Variants in ATXN7 observed in about 807,000 individuals in gnomAD.
The protein encoded by ATXN7 is ataxin 7.
Under a neutral mutation model 70.5 loss-of-function variants are expected in ATXN7, and 12 were observed. That is an observed-to-expected ratio of 0.17 (90% CI 0.11 to 0.28). ATXN7 has a LOEUF of 0.28. Among genes scored for constraint, ATXN7 ranks in the 10% least tolerant of loss-of-function variants. The probability of loss-of-function intolerance (pLI) is 1.00; values close to 1 mark genes in which losing one functional copy is unlikely to be tolerated. For missense variants in ATXN7, 1,256 were observed against 1,131.7 expected, an observed-to-expected ratio of 1.11 and a Z score of -1.58; for synonymous variants, 498 against 448.7, an observed-to-expected ratio of 1.11 and a Z score of -1.39.
chr3:63,912,039 G>C (rs1250613634), intron 2 of ATXN7: 1 of 152,326 alleles, frequency 6.6e-6, no homozygotes, highest in Non-Finnish European at 1.5e-5. Flanking sequence ...GAGCTGAGAG[G>C]GAGGGACCGG....
intron 4 of ATXN7, among the ~76,000 whole-genome samples, chr3:63,924,874 T>A (rs1216289449): frequency 6.6e-6 from 1 of 152,044 alleles, no homozygotes; most frequent in Non-Finnish European, 1.5e-5. Flanking sequence ...TCTAAGGGAA[T>A]GATGAGGAGG....
chr3:63,939,001 A>AT (rs199874849), intron 4 of ATXN7, among the ~76,000 whole-genome samples: 15,945 of 147,980 alleles, frequency 0.11, 1,012 homozygotes, highest in Middle Eastern at 0.16. Context: ...AATTTTTTTA[A>AT]TTTTTTTTTT....
chr3:63,872,462 AT>A (rs1173377828), intron 1 of ATXN7, among the ~76,000 whole-genome samples: 1 of 152,004 alleles, frequency 6.6e-6, no homozygotes, highest in Non-Finnish European at 1.5e-5. Context: ...ACATAATCTC[AT>A]CTTCTAGCAG....
At chr3:63,952,287 A>G (rs951130959) in intron 4 of ATXN7, 92 bp from the exon 5 acceptor site, 16 of 838,278 alleles carry the variant, frequency 1.9e-5, no homozygotes, top group Non-Finnish European at 3.0e-5. Context: ...ATACTTTACA[A>G]TAAGGCAACT....
intron 5 of ATXN7, 115 bp downstream of exon 5, chr3:63,952,598 T>C (rs1371986493): frequency 1.3e-5 from 7 of 557,678 alleles, no homozygotes; most frequent in Admixed American, 3.9e-5. Context: ...CACCAGGAAG[T>C]AGGCTTTTTA....
intron 1 of ATXN7, among the ~76,000 whole-genome samples, chr3:63,895,671 C>A (rs1320816370): frequency 6.6e-6 from 1 of 152,082 alleles, no homozygotes; most frequent in East Asian, 1.9e-4. Context: ...AGCCCAAGAA[C>A]ACTCCCAGGC....
intron 2 of ATXN7, among the ~76,000 whole-genome samples, chr3:63,912,332 C>T (rs1375611667): frequency 1.3e-5 from 2 of 151,692 alleles, no homozygotes; most frequent in Non-Finnish European, 2.9e-5. Context: ...GCCGCGGTGG[C>T]GGGCCGCCTG....
intron 11 of ATXN7, 40 bp downstream of exon 11, chr3:63,990,899 A>G: frequency 5.0e-6 from 8 of 1,614,070 alleles, no homozygotes; most frequent in Non-Finnish European, 6.8e-6. Flanking sequence ...CTGACTTTAC[A>G]CAGTGCTGCA....
chr3:63,956,033 A>G (rs535269450), intron 5 of ATXN7, among the ~76,000 whole-genome samples: 7 of 152,208 alleles, frequency 4.6e-5, no homozygotes, highest in East Asian at 3.9e-4. Context: ...GGAGTTAACA[A>G]TTAACCAGGA....
At chr3:63,873,439 T>C (rs1702653961) in intron 1 of ATXN7, among the ~76,000 whole-genome samples, 1 of 152,130 alleles carries the variant, frequency 6.6e-6, no homozygotes, top group African/African-American at 2.4e-5. Flanking sequence ...AATCCCACTT[T>C]CTACTGAGAG....
At chr3:63,917,949 G>A (rs941933507) in intron 4 of ATXN7, among the ~76,000 whole-genome samples, 1 of 152,148 alleles carries the variant, frequency 6.6e-6, no homozygotes, top group Non-Finnish European at 1.5e-5. Flanking sequence ...AGCACTTTTC[G>A]TTGCTCTGTC....
chr3:63,988,099 G>A lies in ATXN7; in HGVS notation c.1136G>A (p.Arg379Lys). Residue 379 changes from arginine to lysine, a missense_variant, in exon 9 of 13, where the codon AGA (arginine) becomes AAA (lysine). Arg to Lys is a conservative substitution (Grantham distance 26, BLOSUM62 2). Coordinates refer to ENST00000674280, the MANE Select transcript of ATXN7 (RefSeq NM_001377405.1). ...LTQRRAVQGR[R>K]KRFDVLLAEH... ...CAGCGCAGGGCTGTCCAGGGTAGAAGAAAACGATTTGATGTGTTATTAGCC... is the reference window on the plus strand; with the variant it reads ...CAGCGCAGGGCTGTCCAGGGTAGAAAAAAACGATTTGATGTGTTATTAGCC... The A allele has an allele frequency of 6.2e-7, 1 of 1,614,124 alleles. No homozygotes were observed. The highest frequency in any genetic ancestry group is 1.1e-5 in the South Asian group (1 of 91,074).
Position 63,996,329 on chromosome 3 carries a change from A to G in ATXN7, c.2507A>G (p.Lys836Arg). Residue 836 changes from lysine to arginine, a missense_variant, in exon 12 of 13, where the codon AAA becomes AGA. Transcript: ENST00000674280. Reference protein sequence around the residue: ...HTPLDKLIGKKRKCSPSSSSI... With the variant: ...HTPLDKLIGKRRKCSPSSSSI... ...CCTCTAGACAAACTCATAGGAAAGA[A>G]AAGAAAGTGCTCACCCAGCTCGAGC... is the stretch of plus-strand genomic sequence containing the variant. The G allele has an allele frequency of 1.9e-6, 3 of 1,614,196 alleles. No individual in the cohort carries two copies. Among genetic ancestry groups the G allele is most frequent in the Non-Finnish European group, 2.5e-6 (3 of 1,180,040 alleles).
At chr3:63,921,007 T>C (rs1268887858) in intron 4 of ATXN7, among the ~76,000 whole-genome samples, 2 of 152,218 alleles carry the variant, frequency 1.3e-5, no homozygotes, top group Non-Finnish European at 2.9e-5. Context: ...GGAGTTACTG[T>C]ACTTTTGAGA....
At chr3:63,977,202 T>A (rs2075402356) in intron 5 of ATXN7, among the ~76,000 whole-genome samples, 1 of 152,188 alleles carries the variant, frequency 6.6e-6, no homozygotes, top group Non-Finnish European at 1.5e-5. Flanking sequence ...ACAAAAATCA[T>A]GAAAAAGCGA....
intron 8 of ATXN7, among the ~76,000 whole-genome samples, chr3:63,987,415 T>C (rs1334344678): frequency 6.6e-6 from 1 of 152,208 alleles, no homozygotes; most frequent in Non-Finnish European, 1.5e-5. Context: ...TGTCTATCTA[T>C]AGGGATTACT....
At chr3:63,871,687 GAC>G (rs1237369527) in intron 1 of ATXN7, among the ~76,000 whole-genome samples, 1 of 152,064 alleles carries the variant, frequency 6.6e-6, no homozygotes, top group East Asian at 1.9e-4. Flanking sequence ...TATATAATGA[GAC>G]TATGTATAAG....
intron 1 of ATXN7, among the ~76,000 whole-genome samples, chr3:63,885,331 A>C (rs550504964): frequency 6.6e-6 from 1 of 152,218 alleles, no homozygotes; most frequent in African/African-American, 2.4e-5. Flanking sequence ...GCCAACAGGT[A>C]TATGAAAAGA....
At chr3:63,984,488 C>G (rs2075542235) in intron 8 of ATXN7, among the ~76,000 whole-genome samples, 1 of 152,130 alleles carries the variant, frequency 6.6e-6, no homozygotes, top group Non-Finnish European at 1.5e-5. Context: ...GAAAGCATGC[C>G]TCAGCCCTGT....
Sources: allele counts gnomAD v4.1 joint callset (sites outside exome capture counted in the v4.1 genomes callset), GRCh38; gene constraint gnomAD v4.1.1; transcripts MANE v1.5; gene names NCBI Gene and HGNC (gene_info 2026-07-23, HGNC 2026-07-21).